BEND3: variants seen among roughly 807,000 people sequenced by gnomAD.
The protein encoded by BEND3 is BEN domain-containing protein 3.
Under a neutral mutation model 60.1 loss-of-function variants are expected in BEND3, and 13 were observed. The observed-to-expected ratio is 0.22, with a 90% CI of 0.14 to 0.34. BEND3 has a LOEUF of 0.34. BEND3 is among the 10% of genes least tolerant of loss of function. BEND3 has a pLI of 1.00. For missense variants in BEND3, 896 were observed against 1,138.1 expected (o/e 0.79, Z 3.06); for synonymous variants, 497 against 491.5 (o/e 1.01, Z -0.15).
intron 3 of BEND3, among the ~76,000 whole-genome samples, chr6:107,093,333 T>C (rs1432351747): frequency 2.0e-5 from 3 of 151,858 alleles, no homozygotes; most frequent in Non-Finnish European, 4.4e-5. Context: ...TGGTGGTGGG[T>C]GCCTGTAGTC....
At position 107,069,424 on chromosome 6, in the gene BEND3, C is replaced by T. The variant is rs1554231454; in HGVS notation, c.1767G>A (p.Glu589=). Residue 589 remains glutamate, a synonymous_variant, in exon 4 of 4, where the codon GAG becomes GAA. Transcript: ENST00000369042. ...TGCAGTTGTACTGCTTGCGCAGGTT[C>T]TCGTGCGTGAAGAGCTCGGGGAACA... The part of the protein sequence containing the change: ...VHLFPELFTH[E]NLRKQYNCSG... 3.7e-6 allele frequency: 6 copies of T among 1,612,664 alleles called. No homozygotes were observed. The Admixed American group carries it at 1.0e-4, about 27-fold the overall frequency.
intron 1 of BEND3, chr6:107,114,375 C>G (rs550938257): frequency 2.7e-4 from 41 of 152,004 alleles, no homozygotes; most frequent in African/African-American, 9.7e-4. Context: ...GCGGGAACCG[C>G]GAACCGCCGT....
At chr6:107,112,035 C>T (rs981856019) in intron 1 of BEND3, among the ~76,000 whole-genome samples, 60 of 152,050 alleles carry the variant, frequency 3.9e-4, no homozygotes, top group African/African-American at 1.3e-3. Context: ...ACACTACATC[C>T]CAGCCTCCCA....
At chr6:107,103,959 A>G (rs4371875) in intron 1 of BEND3, among the ~76,000 whole-genome samples, 120 of 107,860 alleles carry the variant, frequency 1.1e-3, no homozygotes, top group Non-Finnish European at 9.5e-4. Context: ...AAAAAAAAAA[A>G]AAAGAAAGAA....
chr6:107,094,990 T>C (rs1554235781), intron 3 of BEND3, among the ~76,000 whole-genome samples: 1 of 151,818 alleles, frequency 6.6e-6, no homozygotes. Flanking sequence ...CTGGATAATT[T>C]TTTTGTATTT....
intron 1 of BEND3, among the ~76,000 whole-genome samples, chr6:107,101,180 T>C (rs1554236721): frequency 1.3e-5 from 2 of 152,074 alleles, no homozygotes; most frequent in African/African-American, 2.4e-5. Context: ...CCAGCCTGGG[T>C]GACAGAGTGA....
chr6:107,081,754 G>T (rs151199885), intron 3 of BEND3, among the ~76,000 whole-genome samples: 3 of 151,388 alleles, frequency 2.0e-5, no homozygotes, highest in East Asian at 3.9e-4. Flanking sequence ...ACTTACTCCC[G>T]GGAGACAGAG....
intron 1 of BEND3, among the ~76,000 whole-genome samples, chr6:107,111,981 CA>C (rs57840795): frequency 1.4e-4 from 21 of 145,380 alleles, no homozygotes; most frequent in African/African-American, 4.7e-4. Flanking sequence ...GACTCCGTTT[CA>C]AAAAAAAAAA....
chr6:107,081,827 C>T (rs1775241071), intron 3 of BEND3, among the ~76,000 whole-genome samples: 2 of 151,744 alleles, frequency 1.3e-5, no homozygotes, highest in African/African-American at 4.8e-5. Flanking sequence ...CCTTTGTGTC[C>T]CCAAGCATAT....
chr6:107,098,440 C>T, intron 3 of BEND3, 111 bp downstream of exon 3: 1 of 1,113,992 alleles, frequency 9.0e-7, no homozygotes, highest in South Asian at 1.4e-5. Context: ...GAAACCTTCC[C>T]ATGCCCAAGG....
Position 107,067,892 on chromosome 6 carries a change from A to G in BEND3, c.*812T>C, listed in dbSNP as rs1231680645. ...CCATGTATGGAGAAGGAATGGGGGC[A>G]GCGGAAGGACACGGCTCAGATGGAG... On this transcript the variant is annotated 3_prime_UTR_variant, in exon 4 of 4. Transcript: ENST00000369042. The G allele has an allele frequency of 6.6e-6, 1 of 152,282 alleles. No homozygotes were observed. The highest frequency in any genetic ancestry group is 1.5e-5 in the Non-Finnish European group (1 of 68,082). 9.4% of individuals were successfully genotyped at this position (152,282 alleles called of 1,614,324 possible).
Position 107,070,398 on chromosome 6 carries a change from C to T in BEND3, c.793G>A (p.Asp265Asn), listed in dbSNP as rs782080430. 5 of 1,613,646 alleles carry T rather than the reference C, an allele frequency of 3.1e-6. No individual in the cohort carries two copies. The highest frequency in any genetic ancestry group is 1.7e-5 in the Admixed American group (1 of 60,014). The change falls in exon 4 of 4, where the codon GAC (aspartate) becomes AAC (asparagine). Residue 265 changes from aspartate to asparagine, a missense_variant. Asp to Asn is a conservative substitution (Grantham distance 23). Coordinates refer to ENST00000369042, the MANE Select transcript of BEND3 (RefSeq NM_001367314.1). The surrounding 1 kb of genome is among the most constrained non-coding windows in gnomAD (Gnocchi z 6.9). ...QIVDQSLSGG[D>N]LACRLLVQLF... ...TGCACCAGCAAGCGGCAGGCCAGGT[C>T]CCCCCCTGACAGGCTCTGGTCCACG...
intron 3 of BEND3, among the ~76,000 whole-genome samples, chr6:107,090,201 T>C (rs1775445301): frequency 6.6e-6 from 1 of 151,952 alleles, no homozygotes; most frequent in South Asian, 2.1e-4. Context: ...ATACAAAACT[T>C]AGCTGGGTGT....
chr6:107,091,878 A>G lies in BEND3; in HGVS notation c.240+6673T>C, dbSNP rs192375324. 3.9e-4 allele frequency among the ~76,000 whole-genome samples: 59 copies of G among 152,338 alleles called. 2 individuals are homozygous for G. The East Asian group carries it at 9.8e-3, about 25-fold the overall frequency. On this transcript the variant is annotated intron_variant, in intron 3 of 3. Transcript: ENST00000369042. ...AGCTACAGACCAATATTTCTCATGA[A>G]CACAGATGAAAAACCCTCAATAAAA... is the stretch of plus-strand genomic sequence containing the variant.
At chr6:107,110,785 C>A (rs1770056662) in intron 1 of BEND3, among the ~76,000 whole-genome samples, 1 of 152,032 alleles carries the variant, frequency 6.6e-6, no homozygotes, top group Admixed American at 6.5e-5. Flanking sequence ...CAACTCCTGG[C>A]TTCAGGTGAT....
chr6:107,076,007 T>C (rs1775092795), intron 3 of BEND3, among the ~76,000 whole-genome samples: 1 of 152,166 alleles, frequency 6.6e-6, no homozygotes, highest in East Asian at 1.9e-4. Flanking sequence ...TTTGGCTAGA[T>C]TGCTTGAATT....
intron 3 of BEND3, among the ~76,000 whole-genome samples, chr6:107,089,484 T>G (rs1554234834): frequency 7.0e-6 from 1 of 141,932 alleles, no homozygotes; most frequent in East Asian, 2.2e-4. Context: ...TACTCGGGAG[T>G]CTGAGGCAGG....
At chr6:107,084,010 G>A (rs1028549985) in intron 3 of BEND3, among the ~76,000 whole-genome samples, 1 of 152,240 alleles carries the variant, frequency 6.6e-6, no homozygotes, top group African/African-American at 2.4e-5. Context: ...CATGGAAGGA[G>A]CCTGAAAGTC....
intron 1 of BEND3, among the ~76,000 whole-genome samples, chr6:107,110,215 C>A (rs782048089): frequency 1.2e-4 from 19 of 152,172 alleles, no homozygotes; most frequent in Non-Finnish European, 2.5e-4. Flanking sequence ...GCTGAGAAAA[C>A]TTCAGCTCTA....
Sources: allele counts gnomAD v4.1 joint callset (sites outside exome capture counted in the v4.1 genomes callset), GRCh38; gene constraint gnomAD v4.1.1; non-coding constraint Gnocchi (gnomAD v3.1); transcripts MANE v1.5; gene names NCBI Gene and HGNC (gene_info 2026-07-23, HGNC 2026-07-21).